ROBO1: variants seen among roughly 807,000 people sequenced by gnomAD.
The protein encoded by ROBO1 is roundabout homolog 1.
A neutral mutation model predicts 195.9 loss-of-function variants in ROBO1; 149 were observed. The ratio of observed to expected loss-of-function variants is 0.76; its 90% CI spans 0.67 to 0.87. The LOEUF (loss-of-function observed/expected upper bound fraction) is 0.87, where lower values mean the gene tolerates loss of function less well. Ranked by LOEUF, ROBO1 falls within the 40% of genes least tolerant of loss-of-function variation. The pLI is 0.00. For missense variants in ROBO1, 1,933 were observed against 2,068.3 expected (o/e 0.93, Z 1.27); for synonymous variants, 816 against 733.2 (o/e 1.11, Z -1.82).
At chr3:78,976,333 T>C (rs920767643) in intron 3 of ROBO1, among the ~76,000 whole-genome samples, 3 of 152,178 alleles carry the variant, frequency 2.0e-5, no homozygotes, top group African/African-American at 7.2e-5. Context: ...AAAGTAGCCC[T>C]AAATCATGTA....
At chr3:79,231,279 T>A (rs969165900) in intron 2 of ROBO1, among the ~76,000 whole-genome samples, 1 of 152,030 alleles carries the variant, frequency 6.6e-6, no homozygotes, top group Non-Finnish European at 1.5e-5. Context: ...AGTAAACAGA[T>A]AACCTACAAA....
intron 3 of ROBO1, among the ~76,000 whole-genome samples, chr3:79,123,322 GACATTC>G (rs1223773131): frequency 1.3e-5 from 2 of 151,860 alleles, no homozygotes; most frequent in Non-Finnish European, 2.9e-5. Context: ...CATACATTCA[GACATTC>G]ACACACATGC....
chr3:79,121,465 T>A (rs2080114964), intron 3 of ROBO1, among the ~76,000 whole-genome samples: 1 of 152,070 alleles, frequency 6.6e-6, no homozygotes, highest in Non-Finnish European at 1.5e-5. Flanking sequence ...AGAGAATATA[T>A]TTTGTTTCCT....
intron 1 of ROBO1, among the ~76,000 whole-genome samples, chr3:79,709,290 T>C (rs990539214): frequency 1.3e-5 from 2 of 152,144 alleles, no homozygotes; most frequent in African/African-American, 4.8e-5. Flanking sequence ...CTAAAAAATA[T>C]ACAAACTTGT....
At chr3:78,781,491 T>C (rs383189) in intron 4 of ROBO1, among the ~76,000 whole-genome samples, 147,774 of 152,230 alleles carry the variant, frequency 0.97, 71,862 homozygotes, top group East Asian at 1. Flanking sequence ...ACTCCTCTCC[T>C]TTATTTTCTC....
At chr3:78,714,326 A>T in intron 8 of ROBO1, 71 bp downstream of exon 8, 1 of 1,482,022 alleles carries the variant, frequency 6.7e-7, no homozygotes, top group South Asian at 1.3e-5. Context: ...TATACATAAT[A>T]TTTTCTTCAA....
At chr3:78,963,638 C>T (rs1303322578) in intron 3 of ROBO1, among the ~76,000 whole-genome samples, 2 of 151,056 alleles carry the variant, frequency 1.3e-5, no homozygotes, top group South Asian at 2.1e-4. Flanking sequence ...CCTGCCTCAG[C>T]CTCCGGAGTA....
intron 4 of ROBO1, among the ~76,000 whole-genome samples, chr3:78,880,477 G>A (rs931508275): frequency 2.0e-5 from 3 of 150,824 alleles, no homozygotes; most frequent in Non-Finnish European, 4.4e-5. Context: ...AAGGCACAAA[G>A]TTAAAAAAAA....
intron 2 of ROBO1, among the ~76,000 whole-genome samples, chr3:79,403,296 C>A (rs2037430921): frequency 6.6e-6 from 1 of 151,898 alleles, no homozygotes; most frequent in Non-Finnish European, 1.5e-5. Context: ...TAAACAACAG[C>A]AAACTGACAT....
intron 8 of ROBO1, among the ~76,000 whole-genome samples, chr3:78,692,522 C>T (rs879694627): frequency 7.2e-5 from 11 of 152,088 alleles, no homozygotes; most frequent in Admixed American, 1.3e-4. Context: ...TCACCCACCT[C>T]GGCCTCCCAA....
At chr3:78,731,653 C>T (rs2082289681) in intron 5 of ROBO1, among the ~76,000 whole-genome samples, 1 of 152,022 alleles carries the variant, frequency 6.6e-6, no homozygotes, top group Non-Finnish European at 1.5e-5. Context: ...TGAATATCTT[C>T]AAATTTATGT....
intron 3 of ROBO1, among the ~76,000 whole-genome samples, chr3:79,103,781 TAC>T (rs1280500370): frequency 1.3e-5 from 2 of 151,786 alleles, no homozygotes; most frequent in Non-Finnish European, 2.9e-5. Flanking sequence ...AATTAAAAAT[TAC>T]AGTTAGTAAA....
intron 2 of ROBO1, among the ~76,000 whole-genome samples, chr3:79,426,326 C>A (rs919969338): frequency 2.0e-5 from 3 of 151,894 alleles, no homozygotes; most frequent in African/African-American, 7.3e-5. Flanking sequence ...TTACTTATTT[C>A]TCTTCTCTTA....
chr3:79,122,029 AT>A (rs1385581682), intron 3 of ROBO1, among the ~76,000 whole-genome samples: 2 of 151,886 alleles, frequency 1.3e-5, no homozygotes, highest in African/African-American at 4.8e-5. Context: ...TTATTACTTA[AT>A]TTTTTTATAT....
chr3:78,972,071 T>A (rs981026839), intron 3 of ROBO1, among the ~76,000 whole-genome samples: 7 of 152,188 alleles, frequency 4.6e-5, no homozygotes, highest in African/African-American at 1.7e-4. Context: ...CGGCCTTAAA[T>A]CTTTTAAAAT....
Position 78,695,763 on chromosome 3 carries a change from T to C in ROBO1, c.1046-6991A>G, listed in dbSNP as rs147679281. On this transcript the variant is annotated intron_variant, in intron 8 of 30. Coordinates refer to ENST00000464233, the MANE Select transcript of ROBO1 (RefSeq NM_002941.4). The stretch of plus-strand genomic sequence containing the variant: ...GTTTTGGAGAGGAGTCTATCTTGAA[T>C]GGTCATTTAAGCTTTTAACAACTCT... 3.7e-3 allele frequency among the ~76,000 whole-genome samples: 564 copies of C among 152,144 alleles called. 14 individuals carry two copies. Among genetic ancestry groups the C allele is most frequent in the Non-Finnish European group, 2.4e-3 (166 of 67,992 alleles).
At chr3:79,343,926 C>A (rs914629495) in intron 2 of ROBO1, among the ~76,000 whole-genome samples, 3 of 151,924 alleles carry the variant, frequency 2.0e-5, no homozygotes, top group African/African-American at 7.3e-5. Flanking sequence ...TGACTTAGGA[C>A]AAGGATCATT....
At chr3:78,792,156 C>T (rs1178278695) in intron 4 of ROBO1, among the ~76,000 whole-genome samples, 1 of 152,104 alleles carries the variant, frequency 6.6e-6, no homozygotes, top group Non-Finnish European at 1.5e-5. Context: ...GTCCTGGGAC[C>T]TCATTGTGGG....
In ROBO1 at chr3:79,722,102, T is replaced by C. The variant is rs530033402; in HGVS notation, c.-51+45650A>G. The stretch of plus-strand genomic sequence containing the variant: ...ATTGTTTTTCATTGGGAAAAGGTAC[T>C]ACAGGAAACAGACTTTAAAAGTAAT... On this transcript the variant is annotated intron_variant, in intron 1 of 30. Coordinates refer to ENST00000464233, the MANE Select transcript of ROBO1 (RefSeq NM_002941.4). 3.0e-4 allele frequency among the ~76,000 whole-genome samples: 45 copies of C among 152,306 alleles called. No homozygotes were observed. In the South Asian group the frequency reaches 8.9e-3, roughly 30 times the overall value.
Sources: allele counts gnomAD v4.1 joint callset (sites outside exome capture counted in the v4.1 genomes callset), GRCh38; gene constraint gnomAD v4.1.1; transcripts MANE v1.5; gene names NCBI Gene and HGNC (gene_info 2026-07-23, HGNC 2026-07-21).